The following SPON1 variants were observed in gnomAD, a reference collection of about 807,000 sequenced individuals.
SPON1 encodes the protein spondin-1.
In SPON1, 52 loss-of-function variants were observed where a neutral mutation model predicts 111.7. The ratio of observed to expected loss-of-function variants is 0.47; its 90% confidence interval spans 0.37 to 0.59. SPON1 has a LOEUF of 0.59. SPON1 is among the 20% of genes least tolerant of loss of function. SPON1 has a pLI of 0.00. For missense variants in SPON1, 957 were observed against 1,068.5 expected (o/e 0.90, Z 1.46); for synonymous variants, 410 against 395.8 (o/e 1.04, Z -0.43).
At chr11:14,133,206 T>A (rs1368633596) in intron 5 of SPON1, among the ~76,000 whole-genome samples, 2 of 152,202 alleles carry the variant, frequency 1.3e-5, no homozygotes, top group African/African-American at 2.4e-5. Context: ...TGCAAGCCTG[T>A]TCCCAACTAT....
chr11:14,147,727 T>C (rs1454503759), intron 6 of SPON1, among the ~76,000 whole-genome samples: 1 of 151,102 alleles, frequency 6.6e-6, no homozygotes, highest in Non-Finnish European at 1.5e-5. Flanking sequence ...CAAAACATTT[T>C]TTAAGTAGTG....
chr11:14,129,881 A>T (rs1355114907), intron 5 of SPON1, among the ~76,000 whole-genome samples: 2 of 152,216 alleles, frequency 1.3e-5, no homozygotes, highest in Non-Finnish European at 2.9e-5. Flanking sequence ...AGCAGGAGAC[A>T]GCAAGAATGA....
chr11:13,986,581 CTTTTTT>C (rs370430969), intron 2 of SPON1, among the ~76,000 whole-genome samples: 1 of 143,350 alleles, frequency 7.0e-6, no homozygotes, highest in Non-Finnish European at 1.5e-5. Flanking sequence ...TCTGAATATT[CTTTTTT>C]TTTTTTTTAA....
At chr11:13,979,601 G>C (rs1554909368) in intron 1 of SPON1, among the ~76,000 whole-genome samples, 1 of 152,120 alleles carries the variant, frequency 6.6e-6, no homozygotes, top group Non-Finnish European at 1.5e-5. Context: ...ATCCTGCGGG[G>C]CCATTTTGGA....
chr11:14,047,130 T>G (rs1554917904), intron 3 of SPON1, among the ~76,000 whole-genome samples: 1 of 152,196 alleles, frequency 6.6e-6, no homozygotes, highest in Non-Finnish European at 1.5e-5. Context: ...AATGATCATA[T>G]CTTAAAATAA....
intron 5 of SPON1, among the ~76,000 whole-genome samples, chr11:14,129,686 C>A (rs1202458213): frequency 3.3e-5 from 5 of 152,164 alleles, no homozygotes; most frequent in Non-Finnish European, 7.3e-5. Context: ...AGCAGTGCCC[C>A]ACTTTGGGTA....
chr11:14,031,128 C>G (rs1238019433), intron 2 of SPON1, among the ~76,000 whole-genome samples: 1 of 152,168 alleles, frequency 6.6e-6, no homozygotes, highest in Admixed American at 6.5e-5. Context: ...CATGTTCTCA[C>G]TTGTAAGTGG....
chr11:14,215,133 A>G (rs782353278), intron 6 of SPON1, among the ~76,000 whole-genome samples: 1 of 152,088 alleles, frequency 6.6e-6, no homozygotes. Flanking sequence ...ATAGCACACT[A>G]CAGCCAAGAA....
At chr11:14,057,839 A>C (rs1199626297) in intron 3 of SPON1, among the ~76,000 whole-genome samples, 3 of 121,218 alleles carry the variant, frequency 2.5e-5, no homozygotes, top group South Asian at 2.4e-4. Context: ...TACAAAAAAA[A>C]AAAACAAAAC....
At chr11:14,218,342 A>G (rs566323521) in intron 6 of SPON1, among the ~76,000 whole-genome samples, 1 of 152,280 alleles carries the variant, frequency 6.6e-6, no homozygotes, top group Admixed American at 6.5e-5. Flanking sequence ...GTGAGAACTC[A>G]GCCACTCCAG....
chr11:14,267,655 G>A lies in SPON1; in HGVS notation c.*1968G>A, dbSNP rs879972090. On this transcript the variant is annotated 3_prime_UTR_variant, in exon 16 of 16. Coordinates refer to ENST00000576479, the MANE Select transcript of SPON1 (RefSeq NM_006108.4). ...TAAAACCAGGTTAATGGCTAAGAAT[G>A]GGTAACATGACTCTTGTTGGATTGT... 4 of 152,160 alleles carry A rather than the reference G, an allele frequency of 2.6e-5. No homozygotes were observed. Among genetic ancestry groups the A allele is most frequent in the Admixed American group, 6.5e-5 (1 of 15,276 alleles). The allele number at this position is 152,160 out of a possible 1,614,324, so 9.4% of individuals were successfully genotyped here. A position where few individuals can be genotyped will look rare whatever the true frequency, so the allele number is the denominator to read the frequency against.
chr11:14,148,174 A>C (rs1554929547), intron 6 of SPON1, among the ~76,000 whole-genome samples: 1 of 152,366 alleles, frequency 6.6e-6, no homozygotes, highest in East Asian at 1.9e-4. Context: ...ATAGGGGACC[A>C]GTTAAATAAA....
intron 6 of SPON1, among the ~76,000 whole-genome samples, chr11:14,171,958 T>C (rs1554932526): frequency 6.6e-6 from 1 of 152,224 alleles, no homozygotes; most frequent in Non-Finnish European, 1.5e-5. Flanking sequence ...CTGAAAAGAA[T>C]GTATATCCTG....
chr11:14,245,213 G>A (rs1347002965), intron 7 of SPON1, among the ~76,000 whole-genome samples: 1 of 152,162 alleles, frequency 6.6e-6, no homozygotes, highest in African/African-American at 2.4e-5. Flanking sequence ...GAGGGAGGAG[G>A]CACACTCATA....
At chr11:13,981,911 T>A (rs1554909692) in intron 1 of SPON1, among the ~76,000 whole-genome samples, 1 of 152,006 alleles carries the variant, frequency 6.6e-6, no homozygotes, top group East Asian at 1.9e-4. Flanking sequence ...AGAGTGAGAG[T>A]GCAGGGTCAT....
chr11:14,033,792 C>T (rs1259050266), intron 2 of SPON1, among the ~76,000 whole-genome samples: 1 of 152,142 alleles, frequency 6.6e-6, no homozygotes, highest in Non-Finnish European at 1.5e-5. Context: ...GGAAATCAAA[C>T]CTTGTCTACC....
In SPON1 at chr11:13,994,508, G is replaced by A. The variant is rs954202672; in HGVS notation, c.345+11555G>A. On this transcript the variant is annotated intron_variant, in intron 2 of 15. Coordinates refer to ENST00000576479, the MANE Select transcript of SPON1 (RefSeq NM_006108.4). ...TGGGCATTCCATCATGGAAGTCATG[G>A]CCACTGATGTGAAGGGAAACAGACA... is the stretch of plus-strand genomic sequence containing the variant. Among the ~76,000 whole-genome samples, 6 of 152,260 alleles carry A rather than the reference G, an allele frequency of 3.9e-5. No homozygotes were observed. The East Asian group carries it at 1.2e-3, about 29-fold the overall frequency.
At chr11:14,107,450 C>G (rs1849193595) in intron 5 of SPON1, among the ~76,000 whole-genome samples, 1 of 152,094 alleles carries the variant, frequency 6.6e-6, no homozygotes, top group African/African-American at 2.4e-5. Context: ...CTTTTCAAGT[C>G]TCTGGTTCCA....
At position 14,262,689 on chromosome 11, in the gene SPON1, C is replaced by T. The variant is rs557939697; in HGVS notation, c.1997-23C>T. 4 of 1,613,676 alleles carry T rather than the reference C, an allele frequency of 2.5e-6. No individual in the cohort carries two copies. The African/African-American group carries it at 4.0e-5, about 16-fold the overall frequency. ...TCTTGTTTCAGACATGTGATACACT[C>T]ATGCCCATCTGTGTCTTGCCAGCCA... On this transcript the variant is annotated intron_variant, in intron 14 of 15. Coordinates refer to ENST00000576479, the MANE Select transcript of SPON1 (RefSeq NM_006108.4).
Sources: gnomAD v4.1 joint callset for allele counts (sites outside exome capture counted in the v4.1 genomes callset) on GRCh38, gnomAD v4.1.1 for gene constraint, MANE v1.5 for transcripts, NCBI Gene and HGNC (gene_info 2026-07-23, HGNC 2026-07-21) for gene names.